KDM1A: variants seen among roughly 807,000 people sequenced by gnomAD.
KDM1A encodes the protein lysine-specific histone demethylase 1A.
KDM1A carries 49 observed loss-of-function variants against 109.4 expected under a neutral mutation model. The ratio of observed to expected loss-of-function variants is 0.45; its 90% confidence interval spans 0.36 to 0.57. The LOEUF is 0.57. Ranked by LOEUF, KDM1A falls within the 20% of genes least tolerant of loss-of-function variation. KDM1A has a pLI of 0.00. For synonymous variants in KDM1A, 380 were observed against 415.4 expected, an observed-to-expected ratio of 0.91 and a Z score of 1.04; for missense variants, 668 against 1,116.6, an observed-to-expected ratio of 0.60 and a Z score of 5.73.
chr1:23,022,411 C>G (rs1257992975), intron 1 of KDM1A, among the ~76,000 whole-genome samples: 3 of 151,844 alleles, frequency 2.0e-5, no homozygotes, highest in African/African-American at 7.3e-5. Flanking sequence ...CCTCGGCTCA[C>G]TGCAACATCC....
rs777311519 is a variant in KDM1A, at chr1:23,053,890, T to TA, written c.790+52dup. 9.3e-6 allele frequency: 9 copies of TA among 967,004 alleles called. No homozygotes were observed. The East Asian group carries it at 1.4e-4, about 16-fold the overall frequency. 59.9% of individuals were successfully genotyped at this position (967,004 alleles called of 1,614,324 possible). On this transcript the variant is annotated intron_variant, in intron 5 of 20. Coordinates refer to ENST00000400181, the MANE Select transcript of KDM1A (RefSeq NM_001009999.3). Reference sequence around the variant, plus strand: ...ATTTGTACTGGATTGTGAAAATTGATACGTTCTTCTAGGAGCCTCATGGTT... The same window carrying TA: ...ATTTGTACTGGATTGTGAAAATTGATAACGTTCTTCTAGGAGCCTCATGGTT...
intron 18 of KDM1A, chr1:23,080,766 C>A (rs1643596630): frequency 6.6e-6 from 1 of 152,256 alleles, no homozygotes. Flanking sequence ...CAGGTCTTGA[C>A]ATAAATTTCA....
rs1465746234 is a variant in KDM1A, at chr1:23,079,753, CT to C, written c.2170+88del. 2.8e-6 allele frequency: 2 copies of C among 717,812 alleles called. No homozygotes were observed. The highest frequency in any genetic ancestry group is 3.6e-5 in the African/African-American group (2 of 55,146). 44.5% of individuals were successfully genotyped at this position (717,812 alleles called of 1,614,324 possible). On this transcript the variant is annotated intron_variant, in intron 18 of 20. Transcript: ENST00000400181. The surrounding 1 kb of genome is among the most constrained non-coding windows in gnomAD (Gnocchi z 5.6). ...TTTTGGGTTTTCTCAATATATATGC[CT>C]TAATTTCTCTCTTTATTAACTCAAC...
chr1:23,019,732 G>A lies in KDM1A; in HGVS notation c.136G>A (p.Gly46Ser), dbSNP rs144822945. Reference sequence around the variant, plus strand: ...GGCCGCGCAGCCCGCGGGCCTGTCGGGCCCAGCCGAGGTCGGGCCGGGGGC... The same window carrying A: ...GGCCGCGCAGCCCGCGGGCCTGTCGAGCCCAGCCGAGGTCGGGCCGGGGGC... ...EVAAQPAGLS[G>S]PAEVGPGAVG... Residue 46 changes from glycine to serine, a missense_variant, in exon 1 of 21, where the codon GGC becomes AGC. Transcript: ENST00000400181. 9,811 of 1,331,034 alleles carry A rather than the reference G, an allele frequency of 7.4e-3. 50 individuals are homozygous for A. Among genetic ancestry groups the A allele is most frequent in the Admixed American group, 8.5e-3 (204 of 24,024 alleles). The allele number at this position is 1,331,034 out of a possible 1,614,324, so 82.5% of individuals were successfully genotyped here.
chr1:23,026,101 A>G (rs1641791669), intron 1 of KDM1A, among the ~76,000 whole-genome samples: 1 of 152,152 alleles, frequency 6.6e-6, no homozygotes, highest in African/African-American at 2.4e-5. Flanking sequence ...AAAAATAAAA[A>G]TAAAAATAAA....
chr1:23,062,652 CAAAAAGTT>C (rs1643032003), intron 9 of KDM1A, among the ~76,000 whole-genome samples: 1 of 152,154 alleles, frequency 6.6e-6, no homozygotes, highest in Non-Finnish European at 1.5e-5. Flanking sequence ...AAGAATCCCT[CAAAAAGTT>C]TACCTCTCTG....
intron 2 of KDM1A, among the ~76,000 whole-genome samples, chr1:23,037,594 A>G (rs936663608): frequency 1.3e-5 from 2 of 152,208 alleles, no homozygotes; most frequent in African/African-American, 4.8e-5. Flanking sequence ...CAAGAATACA[A>G]TGTATTGTGA....
chr1:23,062,417 C>T (rs978630710), intron 9 of KDM1A, among the ~76,000 whole-genome samples: 6 of 152,158 alleles, frequency 3.9e-5, no homozygotes, highest in African/African-American at 1.4e-4. Flanking sequence ...TTTCTCCATG[C>T]TTTGTGGACA....
In KDM1A at chr1:23,019,474, T is replaced by G; in HGVS notation, c.-123T>G. On this transcript the variant is annotated 5_prime_UTR_variant, in exon 1 of 21. Coordinates refer to ENST00000400181, the MANE Select transcript of KDM1A (RefSeq NM_001009999.3). ...GCGCGGCGGGAGCGCGCTTGGCGCG[T>G]GCGTACGCGACGGCGGTTGGCGGCG... 1 of 1,253,836 alleles carries G rather than the reference T, an allele frequency of 8.0e-7. No individual in the cohort carries two copies. The highest frequency in any genetic ancestry group is 1.0e-6 in the Non-Finnish European group (1 of 995,286). The allele number at this position is 1,253,836 out of a possible 1,614,324, so 77.7% of individuals were successfully genotyped here. A position where few individuals can be genotyped will look rare whatever the true frequency, so the allele number is the denominator to read the frequency against.
Position 23,079,443 on chromosome 1 carries a change from G to C in KDM1A, c.2056-110G>C. 1 of 834,280 alleles carries C rather than the reference G, an allele frequency of 1.2e-6. No individual in the cohort carries two copies. The highest frequency in any genetic ancestry group is 1.9e-6 in the Non-Finnish European group (1 of 520,420). 51.7% of individuals were successfully genotyped at this position (834,280 alleles called of 1,614,324 possible). On this transcript the variant is annotated intron_variant, in intron 17 of 20. Coordinates refer to ENST00000400181, the MANE Select transcript of KDM1A (RefSeq NM_001009999.3). The surrounding 1 kb of genome is among the most constrained non-coding windows in gnomAD (Gnocchi z 5.6). ...CGTAAATGTCATCCTAAATAATAAG[G>C]ATTGCTGGGCTTATTTTGAAAGCAG...
chr1:23,053,906 C>T, intron 5 of KDM1A, 67 bp downstream of exon 5: 26 of 819,524 alleles, frequency 3.2e-5, no homozygotes, highest in South Asian at 2.1e-4. Context: ...CTTCTAGGAG[C>T]CTCATGGTTC....
intron 15 of KDM1A, 117 bp downstream of exon 15, chr1:23,073,520 A>G: frequency 1.5e-6 from 1 of 656,822 alleles, no homozygotes; most frequent in East Asian, 2.5e-5. Flanking sequence ...TCATTTACAT[A>G]CAGTGAAATT....
chr1:23,067,455 A>C (rs1383916548), intron 10 of KDM1A, among the ~76,000 whole-genome samples: 1 of 152,150 alleles, frequency 6.6e-6, no homozygotes, highest in Non-Finnish European at 1.5e-5. Context: ...AAAACTGTGG[A>C]GTTTCAAATG....
intron 13 of KDM1A, 66 bp downstream of exon 13, chr1:23,071,425 A>G (rs1420325559): frequency 6.8e-7 from 1 of 1,480,574 alleles, no homozygotes; most frequent in Non-Finnish European, 9.0e-7. Flanking sequence ...AGATCTGGGG[A>G]ATTTTGGAAA....
chr1:23,054,917 G>A (rs1272510641), intron 5 of KDM1A, 152 bp from the exon 6 acceptor site: 5 of 562,236 alleles, frequency 8.9e-6, no homozygotes, highest in South Asian at 2.6e-5. Flanking sequence ...ATCAGCCACC[G>A]TGCCCAGCCT....
Position 23,081,528 on chromosome 1 carries a change from C to A in KDM1A, c.2253C>A (p.Cys751Ter), listed in dbSNP as rs771833144. Residue 751 changes from cysteine (C) to a stop codon, truncating the protein, a stop_gained, in exon 19 of 21, where the codon TGC becomes TGA. Transcript: ENST00000400181. LOFTEE classifies it high-confidence loss of function. ...NISDDVIVGRCLAILKGIFGS... is the reference protein window; with the variant it reads ...NISDDVIVGR The stretch of plus-strand genomic sequence containing the variant: ...GTGACGATGTGATTGTTGGCCGATG[C>A]CTGGCCATTCTCAAAGGGATTTTTG... 2 of 1,614,142 alleles carry A rather than the reference C, an allele frequency of 1.2e-6. No homozygotes were observed. Among genetic ancestry groups the A allele is most frequent in the East Asian group, 2.2e-5 (1 of 44,880 alleles).
intron 12 of KDM1A, among the ~76,000 whole-genome samples, chr1:23,069,642 A>C (rs1306443531): frequency 6.6e-6 from 1 of 152,232 alleles, no homozygotes; most frequent in Non-Finnish European, 1.5e-5. Flanking sequence ...CCTCAGCTGA[A>C]TTCTAGGACT....
At chr1:23,067,371 C>G (rs1643187722) in intron 10 of KDM1A, among the ~76,000 whole-genome samples, 1 of 152,114 alleles carries the variant, frequency 6.6e-6, no homozygotes, top group African/African-American at 2.4e-5. Context: ...TGGCTCATCT[C>G]GTAGTGTTAC....
rs1399129732 is a variant in KDM1A at position 23,071,234 on chromosome 1, T to A, written c.1423T>A (p.Leu475Met). The change falls in exon 13 of 21, where the codon TTG becomes ATG. Residue 475 changes from leucine (L) to methionine (M), a missense_variant. Transcript: ENST00000400181. Reference protein sequence around the residue: ...LKELLNKMVNLKEKIKELHQQ... With the variant: ...LKELLNKMVNMKEKIKELHQQ... ...TATTTTTCCTTCTTAGATGGTAAAT[T>A]TGAAAGAGAAAATTAAAGAACTCCA... 1 of 1,598,528 alleles carries A rather than the reference T, an allele frequency of 6.3e-7. No individual in the cohort carries two copies. The highest frequency in any genetic ancestry group is 2.2e-5 in the East Asian group (1 of 44,808).
Sources: allele counts gnomAD v4.1 joint callset (sites outside exome capture counted in the v4.1 genomes callset), GRCh38; gene constraint gnomAD v4.1.1; non-coding constraint Gnocchi (gnomAD v3.1); transcripts MANE v1.5; gene names NCBI Gene and HGNC (gene_info 2026-07-23, HGNC 2026-07-21).